PLA2G4E: variants seen among roughly 807,000 people sequenced by gnomAD.
The protein encoded by PLA2G4E is cytosolic phospholipase A2 epsilon.
In PLA2G4E, 84 loss-of-function variants were observed where a neutral mutation model predicts 109.1. The ratio of observed to expected loss-of-function variants is 0.77; its 90% CI spans 0.65 to 0.92. The LOEUF is 0.92. Among genes scored for constraint, PLA2G4E ranks in the 40% least tolerant of loss-of-function variants. The pLI is 0.00. For missense variants in PLA2G4E, 1,057 were observed against 1,076.6 expected (o/e 0.98, Z 0.25); for synonymous variants, 469 against 436.1 (o/e 1.08, Z -0.94).
intron 5 of PLA2G4E, 127 bp from the exon 6 acceptor site, chr15:42,002,823 A>T: frequency 1.1e-6 from 1 of 934,974 alleles, no homozygotes; most frequent in South Asian, 1.5e-5. Context: ...CATAAAAAAT[A>T]CTAGCTTCGG....
In PLA2G4E at chr15:42,000,256, C is replaced by A. The variant is rs374576646; in HGVS notation, c.700G>T (p.Glu234Ter). 21 of 1,575,172 alleles carry A rather than the reference C, an allele frequency of 1.3e-5. No individual in the cohort carries two copies. The highest frequency in any genetic ancestry group is 1.7e-5 in the Non-Finnish European group (20 of 1,160,380). Residue 234 changes from glutamate (E) to a stop codon, truncating the protein, a stop_gained, in exon 8 of 20, where the codon GAA becomes TAA. Transcript: ENST00000399518. LOFTEE classifies it high-confidence loss of function. ...ACACGCTGGGTGTTCTCAAAGGATT[C>A]GTTCACCATCACCAGGAGGTCCTTC...
chr15:42,037,363 C>T lies in PLA2G4E; in HGVS notation c.183+13158G>A, dbSNP rs1455985648. 4.6e-5 allele frequency among the ~76,000 whole-genome samples: 7 copies of T among 152,350 alleles called. No homozygotes were observed. The East Asian group carries it at 1.2e-3, about 25-fold the overall frequency. On this transcript the variant is annotated intron_variant, in intron 1 of 19. Transcript: ENST00000399518. ...AGCCCTGGGCTCAGCCAGAGCAGAG[C>T]GGTCGTCAGGATGACCAGCTGCTGA...
intron 14 of PLA2G4E, 94 bp downstream of exon 14, chr15:41,990,027 G>A (rs945764198): frequency 1.1e-6 from 1 of 916,416 alleles, no homozygotes; most frequent in African/African-American, 1.6e-5. Flanking sequence ...ACAAAGATGA[G>A]TGGGATTGGG....
At chr15:42,018,431 T>G (rs778625692) in intron 1 of PLA2G4E, among the ~76,000 whole-genome samples, 3 of 152,084 alleles carry the variant, frequency 2.0e-5, no homozygotes, top group Non-Finnish European at 4.4e-5. Flanking sequence ...GTCAAACTAT[T>G]TAAGAACAGA....
chr15:42,005,128 C>T (rs2068462368), intron 4 of PLA2G4E, 150 bp from the exon 5 acceptor site: 3 of 898,122 alleles, frequency 3.3e-6, no homozygotes, highest in East Asian at 5.3e-5. Flanking sequence ...GTGGTCTCCT[C>T]TGCCAATCTC....
intron 1 of PLA2G4E, among the ~76,000 whole-genome samples, chr15:42,017,419 T>C (rs980163897): frequency 6.6e-6 from 1 of 152,248 alleles, no homozygotes; most frequent in Non-Finnish European, 1.5e-5. Flanking sequence ...ATCTGCTGCG[T>C]GCCAGCCATG....
chr15:42,041,197 T>G (rs1215367113), intron 1 of PLA2G4E, among the ~76,000 whole-genome samples: 1 of 152,234 alleles, frequency 6.6e-6, no homozygotes, highest in Non-Finnish European at 1.5e-5. Flanking sequence ...ACACAAACAC[T>G]TGCTCAAATC....
Position 42,007,879 on chromosome 15 carries a change from A to C in PLA2G4E, c.257-14T>G, listed in dbSNP as rs756063724. 1.3e-6 allele frequency: 2 copies of C among 1,593,570 alleles called. No homozygotes were observed. On this transcript the variant is annotated splice_polypyrimidine_tract_variant and intron_variant, in intron 2 of 19. Coordinates refer to ENST00000399518, the Ensembl canonical transcript of PLA2G4E. ...CTGTCTGGCTCACTGTCCAAGAAAG[A>C]TAAGTGGAACCAATCCAGGTTCAGA...
intron 12 of PLA2G4E, among the ~76,000 whole-genome samples, 191 bp from the exon 13 acceptor site, chr15:41,993,150 A>T (rs1480441052): frequency 6.6e-6 from 1 of 152,164 alleles, no homozygotes; most frequent in Non-Finnish European, 1.5e-5. Context: ...ATTACTCATA[A>T]TCACAAGTGC....
At chr15:42,013,858 T>G in intron 1 of PLA2G4E, 101 bp from the exon 2 acceptor site, 1 of 764,310 alleles carries the variant, frequency 1.3e-6, no homozygotes. Context: ...CCGGCCCAGT[T>G]GCATTACAAC....
intron 2 of PLA2G4E, among the ~76,000 whole-genome samples, chr15:42,012,219 G>A (rs549292922): frequency 4.6e-5 from 7 of 152,156 alleles, no homozygotes; most frequent in Admixed American, 1.3e-4. Context: ...CAGACTCTCC[G>A]CACCTGCACT....
In PLA2G4E at chr15:42,006,190, T is replaced by A. The variant is rs182021811; in HGVS notation, c.394-69A>T. The A allele has an allele frequency of 1.7e-5, 27 of 1,586,588 alleles. No homozygotes were observed. In the African/African-American group the frequency reaches 3.5e-4, roughly 20 times the overall value. On this transcript the variant is annotated intron_variant, in intron 3 of 19. Coordinates refer to ENST00000399518, the Ensembl canonical transcript of PLA2G4E. ...TTGACCCCTTCCCAGAACAAGGGGC[T>A]TGACCTCTGTCCTAGCAAGGAGGTA...
At chr15:41,982,836 G>C (rs1485442330) in exon 20 of PLA2G4E, 1 of 152,284 alleles carries the variant, frequency 6.6e-6, no homozygotes, top group Non-Finnish European at 1.5e-5. Flanking sequence ...GCTCTGGGTA[G>C]CTGGAGAGAG....
At chr15:41,989,851 G>A (rs1371872367) in intron 14 of PLA2G4E, among the ~76,000 whole-genome samples, 1 of 152,220 alleles carries the variant, frequency 6.6e-6, no homozygotes, top group Non-Finnish European at 1.5e-5. Context: ...TCTCTGGGCA[G>A]CGTAGAAATA....
chr15:42,017,484 G>A (rs558991414), intron 1 of PLA2G4E, among the ~76,000 whole-genome samples: 6 of 152,052 alleles, frequency 3.9e-5, no homozygotes, highest in Non-Finnish European at 8.8e-5. Context: ...CCTTACAACC[G>A]CCCCACGAAG....
chr15:42,001,185 T>C (rs2068415419), exon 7 of PLA2G4E: 3 of 1,613,570 alleles, frequency 1.9e-6, no homozygotes, highest in African/African-American at 1.3e-5. Context: ...GCCTCCTGGA[T>C]TGTGCATGAA....
intron 14 of PLA2G4E, among the ~76,000 whole-genome samples, 186 bp downstream of exon 14, chr15:41,989,935 C>A (rs781174108): frequency 5.9e-5 from 9 of 152,184 alleles, no homozygotes; most frequent in Non-Finnish European, 1.2e-4. Flanking sequence ...CAGTGCCTGC[C>A]GGCCTCACCC....
chr15:42,000,237 T>C, exon 8 of PLA2G4E: 3 of 1,582,048 alleles, frequency 1.9e-6, no homozygotes, highest in Non-Finnish European at 2.6e-6. Context: ...CCGGACACGC[T>C]GGGTGTTCTC....
chr15:41,999,894 C>T, intron 9 of PLA2G4E, 23 bp downstream of exon 9: 1 of 1,590,218 alleles, frequency 6.3e-7, no homozygotes, highest in Non-Finnish European at 8.6e-7. Context: ...AGTCAGGGGC[C>T]CTTCCCAGAC....
Sources: allele counts gnomAD v4.1 joint callset (sites outside exome capture counted in the v4.1 genomes callset), GRCh38; gene constraint gnomAD v4.1.1; transcripts MANE v1.5; gene names NCBI Gene and HGNC (gene_info 2026-07-23, HGNC 2026-07-21).